CCSER1: variants seen among roughly 807,000 people sequenced by gnomAD.
The protein encoded by CCSER1 is coiled-coil serine rich protein 1.
A neutral mutation model predicts 82.0 loss-of-function variants in CCSER1; 41 were observed. The ratio of observed to expected loss-of-function variants is 0.50; its 90% CI spans 0.39 to 0.65. CCSER1 has a LOEUF of 0.65. Ranked by LOEUF, CCSER1 falls within the 30% of genes least tolerant of loss-of-function variation. CCSER1 has a pLI of 0.00. For synonymous variants in CCSER1, 414 were observed against 383.9 expected (o/e 1.08, Z -0.92); for missense variants, 1,119 against 1,064.2 (o/e 1.05, Z -0.72).
chr4:90,401,468 T>G, intron 4 of CCSER1, among the ~76,000 whole-genome samples: 1 of 152,200 alleles, frequency 6.6e-6, no homozygotes, highest in East Asian at 1.9e-4. Context: ...TACCGAACAG[T>G]CATTAAAAAG....
chr4:90,799,862 G>A (rs752427229), intron 7 of CCSER1, among the ~76,000 whole-genome samples: 10 of 152,132 alleles, frequency 6.6e-5, no homozygotes, highest in Admixed American at 2.6e-4. Context: ...AGTGGTCAAC[G>A]GGGCTCCTCC....
At chr4:90,984,657 A>G (rs1736423389) in intron 9 of CCSER1, among the ~76,000 whole-genome samples, 1 of 151,772 alleles carries the variant, frequency 6.6e-6, no homozygotes, top group Non-Finnish European at 1.5e-5. Context: ...GTGTCAAATT[A>G]GCACTAAGAG....
intron 7 of CCSER1, among the ~76,000 whole-genome samples, chr4:90,793,220 G>A (rs1025110057): frequency 1.3e-5 from 2 of 151,884 alleles, no homozygotes. Context: ...TACATGTGCA[G>A]GTTTGTTATG....
intron 1 of CCSER1, among the ~76,000 whole-genome samples, chr4:90,263,715 A>G (rs1218508541): frequency 6.6e-6 from 1 of 152,136 alleles, no homozygotes; most frequent in Non-Finnish European, 1.5e-5. Context: ...TGCCCTAAGT[A>G]GTCTGGGGTA....
intron 6 of CCSER1, among the ~76,000 whole-genome samples, chr4:90,648,292 A>AGAAAGAAAG (rs777869346): frequency 0.011 from 1,440 of 130,266 alleles, 18 homozygotes; most frequent in Non-Finnish European, 0.015. Context: ...AAGGAAAGAA[A>AGAAAGAAAG]GAAAGAAAGA....
chr4:90,590,812 T>A (rs1251918287), intron 5 of CCSER1, among the ~76,000 whole-genome samples: 4 of 152,202 alleles, frequency 2.6e-5, no homozygotes, highest in African/African-American at 9.7e-5. Flanking sequence ...AAATTTAAAG[T>A]AGTTTTTTCT....
At chr4:90,984,629 A>G (rs1736421248) in intron 9 of CCSER1, among the ~76,000 whole-genome samples, 1 of 151,758 alleles carries the variant, frequency 6.6e-6, no homozygotes, top group Non-Finnish European at 1.5e-5. Flanking sequence ...GCTAATCAGG[A>G]TCTCTTTTAA....
intron 1 of CCSER1, among the ~76,000 whole-genome samples, chr4:90,229,746 C>A (rs553214948): frequency 1.3e-5 from 2 of 152,028 alleles, no homozygotes; most frequent in Admixed American, 1.3e-4. Context: ...CAGAGACACA[C>A]GTAGGCTCAA....
At chr4:90,777,372 A>AT (rs1753057437) in intron 7 of CCSER1, among the ~76,000 whole-genome samples, 1 of 151,278 alleles carries the variant, frequency 6.6e-6, no homozygotes, top group African/African-American at 2.4e-5. Context: ...AAAAAAAAAA[A>AT]AAAAGCCTGT....
intron 10 of CCSER1, among the ~76,000 whole-genome samples, chr4:91,181,634 C>T (rs537435312): frequency 1.4e-4 from 21 of 152,264 alleles, no homozygotes; most frequent in South Asian, 2.1e-4. Context: ...GGCCATGGCA[C>T]GCAGACTGAG....
intron 10 of CCSER1, among the ~76,000 whole-genome samples, chr4:91,231,638 T>G (rs748563287): frequency 1.3e-5 from 2 of 151,802 alleles, no homozygotes; most frequent in African/African-American, 4.8e-5. Context: ...TTCAAAGACA[T>G]TTTGCATGAT....
At chr4:90,227,939 A>G (rs867653790) in intron 1 of CCSER1, among the ~76,000 whole-genome samples, 19 of 152,220 alleles carry the variant, frequency 1.2e-4, no homozygotes, top group African/African-American at 4.6e-4. Context: ...CCGCACCAGG[A>G]GATTATATCC....
chr4:90,989,308 G>T (rs1736829611), intron 9 of CCSER1, among the ~76,000 whole-genome samples: 1 of 151,696 alleles, frequency 6.6e-6, no homozygotes, highest in Admixed American at 6.6e-5. Flanking sequence ...AGCTTGAGTT[G>T]CTGGGAAATA....
chr4:91,083,125 GGC>G (rs1465104697), intron 9 of CCSER1, among the ~76,000 whole-genome samples: 5 of 152,054 alleles, frequency 3.3e-5, no homozygotes, highest in Admixed American at 1.3e-4. Context: ...TGTTTATTGT[GGC>G]ACTATTCACA....
In CCSER1 at chr4:91,174,822, CTTT is replaced by C. The variant is rs61059675; in HGVS notation, c.2217+88839_2217+88841del. 1.1e-3 allele frequency among the ~76,000 whole-genome samples: 159 copies of C among 146,542 alleles called. 1 individual carries two copies. Among genetic ancestry groups the C allele is most frequent in the South Asian group, 9.5e-3 (44 of 4,636 alleles). ...TGCTAGTTTTCTTTGTTTTTCTTTTCTTTTTTTTTTTTTATTATACTTTAATTT... is the reference window on the plus strand; with the variant it reads ...TGCTAGTTTTCTTTGTTTTTCTTTTCTTTTTTTTTTATTATACTTTAATTT... On this transcript the variant is annotated intron_variant, in intron 10 of 10. Transcript: ENST00000509176.
At chr4:91,396,152 T>C (rs1159115430) in intron 10 of CCSER1, among the ~76,000 whole-genome samples, 1 of 152,126 alleles carries the variant, frequency 6.6e-6, no homozygotes, top group Non-Finnish European at 1.5e-5. Context: ...CTGGGTCCTG[T>C]GAACTTTATG....
chr4:90,856,230 G>A (rs189910742), intron 8 of CCSER1, among the ~76,000 whole-genome samples: 1 of 151,898 alleles, frequency 6.6e-6, no homozygotes, highest in Admixed American at 6.6e-5. Flanking sequence ...TAGCTTCCTT[G>A]TTCTGTTTTG....
At chr4:90,546,304 C>T (rs1206229239) in intron 5 of CCSER1, among the ~76,000 whole-genome samples, 1 of 152,048 alleles carries the variant, frequency 6.6e-6, no homozygotes, top group Non-Finnish European at 1.5e-5. Flanking sequence ...CAAAGGACTG[C>T]CAAATTCAGT....
intron 8 of CCSER1, among the ~76,000 whole-genome samples, chr4:90,876,544 C>A (rs1026135419): frequency 6.6e-6 from 1 of 152,080 alleles, no homozygotes; most frequent in African/African-American, 2.4e-5. Context: ...AAAATGAGAA[C>A]CCAAATATCT....
Sources: gnomAD v4.1 joint callset for allele counts (sites outside exome capture counted in the v4.1 genomes callset) on GRCh38, gnomAD v4.1.1 for gene constraint, MANE v1.5 for transcripts, NCBI Gene and HGNC (gene_info 2026-07-23, HGNC 2026-07-21) for gene names.